SCN7A: variants seen among roughly 807,000 people sequenced by gnomAD.
The protein encoded by SCN7A is sodium channel protein type 7 subunit alpha.
In SCN7A, 138 loss-of-function variants were observed where a neutral mutation model predicts 155.2. The ratio of observed to expected loss-of-function variants is 0.89; its 90% confidence interval spans 0.77 to 1.02. The LOEUF (loss-of-function observed/expected upper bound fraction) is 1.02. Ranked by LOEUF, SCN7A falls within the 50% of genes least tolerant of loss-of-function variation. The pLI is 0.00. For missense variants in SCN7A, 2,058 were observed against 1,986.6 expected, an observed-to-expected ratio of 1.04 and a Z score of -0.68; for synonymous variants, 693 against 649.0, an observed-to-expected ratio of 1.07 and a Z score of -1.03.
intron 21 of SCN7A, among the ~76,000 whole-genome samples, chr2:166,414,109 A>ATATG (rs1251394807): frequency 1.1e-4 from 9 of 84,940 alleles, no homozygotes; most frequent in Admixed American, 5.7e-4. Flanking sequence ...TATATTATAT[A>ATATG]TAAATATATA....
intron 16 of SCN7A, among the ~76,000 whole-genome samples, chr2:166,429,953 T>A (rs1466049728): frequency 2.0e-5 from 3 of 152,100 alleles, no homozygotes; most frequent in Non-Finnish European, 4.4e-5. Flanking sequence ...CTAATGATAC[T>A]CTTTGCCTTT....
chr2:166,471,727 G>GA, intron 6 of SCN7A, among the ~76,000 whole-genome samples: 1 of 25,716 alleles, frequency 3.9e-5, no homozygotes, highest in South Asian at 1.2e-3. Flanking sequence ...AGAAAATGTG[G>GA]GGGGGGGGGT....
chr2:166,441,395 C>A lies in SCN7A; in HGVS notation c.2157+1G>T. ...AAAATGTAAAAGAATTGACTACTTA[C>A]CAGTAAATTTCCAATTAAAATGACC... On this transcript the variant is annotated splice_donor_variant, in intron 15 of 25. Coordinates refer to ENST00000643258, the MANE Select transcript of SCN7A (RefSeq NM_002976.4). LOFTEE classifies it high-confidence loss of function. 6.4e-7 allele frequency: 1 copy of A among 1,571,596 alleles called. No individual in the cohort carries two copies.
chr2:166,462,538 A>T lies in SCN7A; in HGVS notation c.942-8T>A. ...TATCCTTCAGGACACTGACTAAAGA[A>T]GACAAAGAAAAAAACCTGCTTACTA... On this transcript the variant is annotated splice_region_variant and splice_polypyrimidine_tract_variant and intron_variant, in intron 9 of 25. Transcript: ENST00000643258. 1 of 1,611,854 alleles carries T rather than the reference A, an allele frequency of 6.2e-7. No homozygotes were observed. Among genetic ancestry groups the T allele is most frequent in the South Asian group, 1.1e-5 (1 of 90,740 alleles).
At chr2:166,414,719 C>CTATATA (rs72153872) in intron 21 of SCN7A, 1 of 128,534 alleles carries the variant, frequency 7.8e-6, no homozygotes, top group African/African-American at 3.0e-5. Context: ...ACCTCTGCCA[C>CTATATA]TATATATATA....
At chr2:166,467,659 T>C (rs1263157486) in intron 7 of SCN7A, among the ~76,000 whole-genome samples, 2 of 151,578 alleles carry the variant, frequency 1.3e-5, no homozygotes, top group East Asian at 3.9e-4. Context: ...CATTAGTATA[T>C]ACTAATTATA....
rs35344714 is a variant in SCN7A at position 166,405,659 on chromosome 2, T to C, written c.4970A>G (p.Asp1657Gly). 147,123 of 1,612,570 alleles carry C rather than the reference T, an allele frequency of 0.091. 7,450 individuals carry two copies. The highest frequency in any genetic ancestry group is 0.17 in the Middle Eastern group (1,044 of 6,042). ...TTCTTTAGTAGCATGAACATCTCTG[T>C]CACCATCTATCATATGAATATCTGA... ...NTSDIHMIDG[D>G]RDVHATKEGA... Residue 1657 changes from aspartate (D) to glycine (G), a missense_variant, in exon 26 of 26, where the codon GAC becomes GGC. By Grantham distance (94) the Asp-to-Gly change is moderately conservative. Transcript: ENST00000643258.
chr2:166,428,501 G>A (rs770627045), intron 17 of SCN7A, among the ~76,000 whole-genome samples: 6 of 151,926 alleles, frequency 3.9e-5, no homozygotes, highest in Non-Finnish European at 7.4e-5. Flanking sequence ...GTACTTTGTG[G>A]GTAGAGTACA....
intron 11 of SCN7A, among the ~76,000 whole-genome samples, chr2:166,451,468 T>C (rs1018168076): frequency 6.6e-6 from 1 of 152,212 alleles, no homozygotes; most frequent in Admixed American, 6.5e-5. Context: ...ATATTAAAAT[T>C]AAACTGGAAA....
chr2:166,446,869 G>A (rs1702075310), intron 12 of SCN7A, among the ~76,000 whole-genome samples: 1 of 152,134 alleles, frequency 6.6e-6, no homozygotes. Flanking sequence ...GCAGGGACCT[G>A]TCGGTGGGTA....
Position 166,405,488 on chromosome 2 carries a change from G to A in SCN7A, c.*92C>T, listed in dbSNP as rs1370596768. The A allele has an allele frequency of 6.2e-6, 6 of 961,948 alleles. No homozygotes were observed. The highest frequency in any genetic ancestry group is 9.3e-6 in the Non-Finnish European group (6 of 645,912). 59.6% of individuals were successfully genotyped at this position (961,948 alleles called of 1,614,324 possible). On this transcript the variant is annotated 3_prime_UTR_variant, in exon 26 of 26. Coordinates refer to ENST00000643258, the MANE Select transcript of SCN7A (RefSeq NM_002976.4). ...TAATTACCATCGGTTGTAAAGAACT[G>A]ATTATTATCTCTACTTTTCTTTTAT...
chr2:166,481,079 T>C (rs1021390863), intron 2 of SCN7A, among the ~76,000 whole-genome samples: 2 of 152,208 alleles, frequency 1.3e-5, no homozygotes, highest in African/African-American at 4.8e-5. Flanking sequence ...GTTATCTATA[T>C]TCGATATGAC....
chr2:166,446,396 A>G (rs1375107226), intron 12 of SCN7A, among the ~76,000 whole-genome samples: 2 of 152,194 alleles, frequency 1.3e-5, no homozygotes, highest in African/African-American at 2.4e-5. Context: ...ATGTGGAGAA[A>G]TAAGAAAGTT....
At chr2:166,473,721 G>T in intron 5 of SCN7A, 78 bp downstream of exon 5, 1 of 333,576 alleles carries the variant, frequency 3.0e-6, no homozygotes, top group Non-Finnish European at 5.3e-6. Flanking sequence ...ATAATTCAAT[G>T]TTATTAAAAT....
intron 22 of SCN7A, 96 bp from the exon 23 acceptor site, chr2:166,412,763 T>C: frequency 7.1e-7 from 1 of 1,413,930 alleles, no homozygotes; most frequent in South Asian, 1.6e-5. Context: ...AAACAAGCAT[T>C]GTTATGCTAC....
chr2:166,465,460 A>G lies in SCN7A; in HGVS notation c.941+2T>C, dbSNP rs746607098. ...TAATAGAATAAAACTAATACCACCT[A>G]CCCAGCATCTGTCCTGTTGCCACAA... On this transcript the variant is annotated splice_donor_variant, in intron 9 of 25. Transcript: ENST00000643258. LOFTEE classifies it high-confidence loss of function. 6.2e-7 allele frequency: 1 copy of G among 1,601,684 alleles called. No homozygotes were observed. Among genetic ancestry groups the G allele is most frequent in the South Asian group, 1.1e-5 (1 of 89,848 alleles).
rs1443110461 is a variant in SCN7A at position 166,487,587 on chromosome 2, T to C, written c.-127-619A>G. 8.5e-5 allele frequency among the ~76,000 whole-genome samples: 13 copies of C among 152,258 alleles called. No individual in the cohort carries two copies. The South Asian group carries it at 1.7e-3, about 19-fold the overall frequency. On this transcript the variant is annotated intron_variant, in intron 1 of 25. Transcript: ENST00000643258. ...CTTAGGGAATTGAAAATACAGCACC[T>C]AAAGAATCAATCTCTGTGCTTTCTG...
rs750601626 is a variant in SCN7A, at chr2:166,457,037, C to T, written c.1123G>A (p.Val375Met). 1.2e-5 allele frequency: 19 copies of T among 1,609,912 alleles called. No individual in the cohort carries two copies. The highest frequency in any genetic ancestry group is 1.5e-5 in the Non-Finnish European group (18 of 1,178,552). Reference sequence around the variant, plus strand: ...AAGGAAAACAAAAAACTTACCACCACAAAAAATATCATGTAGACCTTCCCA... The same window carrying T: ...AAGGAAAACAAAAAACTTACCACCATAAAAAATATCATGTAGACCTTCCCA... ...ASGKVYMIFFVVVSFLFSFYM... is the reference protein window; with the variant it reads ...ASGKVYMIFFMVVSFLFSFYM... The change falls in exon 11 of 26, where the codon GTG (valine) becomes ATG (methionine). Residue 375 changes from valine (V) to methionine (M), a missense_variant. By Grantham distance (21) the Val-to-Met change is conservative. Coordinates refer to ENST00000643258, the MANE Select transcript of SCN7A (RefSeq NM_002976.4).
At chr2:166,414,263 TACAC>T (rs752928949) in intron 21 of SCN7A, among the ~76,000 whole-genome samples, 19,613 of 74,462 alleles carry the variant, frequency 0.26, 3,668 homozygotes, top group Non-Finnish European at 0.28. Flanking sequence ...TAGATATATA[TACAC>T]ACACATATAT....
Sources: gnomAD v4.1 joint callset for allele counts (sites outside exome capture counted in the v4.1 genomes callset) on GRCh38, gnomAD v4.1.1 for gene constraint, MANE v1.5 for transcripts, NCBI Gene and HGNC (gene_info 2026-07-23, HGNC 2026-07-21) for gene names.